Variants in NKAIN2 observed in about 807,000 individuals in gnomAD.
NKAIN2 encodes the protein sodium/potassium transporting ATPase interacting 2.
A neutral mutation model predicts 32.6 loss-of-function variants in NKAIN2; 14 were observed. That is an observed-to-expected ratio of 0.43 (90% CI 0.28 to 0.67). The LOEUF (loss-of-function observed/expected upper bound fraction) is 0.67. Among genes scored for constraint, NKAIN2 ranks in the 30% least tolerant of loss-of-function variants. NKAIN2 has a pLI of 0.17. For missense variants in NKAIN2, 198 were observed against 258.3 expected (o/e 0.77, Z 1.60); for synonymous variants, 80 against 87.2 (o/e 0.92, Z 0.46).
intron 3 of NKAIN2, among the ~76,000 whole-genome samples, chr6:124,396,211 A>G (rs964916913): frequency 1.4e-4 from 21 of 152,088 alleles, no homozygotes; most frequent in Admixed American, 5.9e-4. Context: ...ATACATGGTA[A>G]GATGCCATGG....
At chr6:124,475,213 T>C (rs1373697977) in intron 3 of NKAIN2, among the ~76,000 whole-genome samples, 1 of 152,096 alleles carries the variant, frequency 6.6e-6, no homozygotes, top group Non-Finnish European at 1.5e-5. Context: ...ATTGATCTTT[T>C]GTGAACCTGA....
At chr6:124,784,197 C>A (rs1315033925) in intron 4 of NKAIN2, among the ~76,000 whole-genome samples, 1 of 152,038 alleles carries the variant, frequency 6.6e-6, no homozygotes, top group Non-Finnish European at 1.5e-5. Flanking sequence ...AGATCATATG[C>A]AATTATATGA....
chr6:124,450,333 A>G (rs1776051098), intron 3 of NKAIN2, among the ~76,000 whole-genome samples: 1 of 152,032 alleles, frequency 6.6e-6, no homozygotes, highest in African/African-American at 2.4e-5. Context: ...ACATGTATCT[A>G]TATTTACATA....
intron 2 of NKAIN2, among the ~76,000 whole-genome samples, chr6:124,310,887 A>C (rs78309602): frequency 0.02 from 2,984 of 152,242 alleles, 51 homozygotes; most frequent in East Asian, 0.086. Flanking sequence ...CTGATCTGAG[A>C]GTTAAAAGCT....
chr6:124,280,701 A>G (rs756277687), intron 1 of NKAIN2, among the ~76,000 whole-genome samples: 11 of 152,140 alleles, frequency 7.2e-5, no homozygotes, highest in Non-Finnish European at 1.3e-4. Flanking sequence ...GGCCCCTCAT[A>G]GTTAATAGTC....
At chr6:124,567,725 T>C (rs1780973777) in intron 3 of NKAIN2, among the ~76,000 whole-genome samples, 2 of 152,260 alleles carry the variant, frequency 1.3e-5, no homozygotes, top group African/African-American at 4.8e-5. Flanking sequence ...GCAAACCTTT[T>C]GGTTTTAATT....
intron 4 of NKAIN2, among the ~76,000 whole-genome samples, chr6:124,690,262 T>C (rs1231957494): frequency 2.6e-5 from 4 of 152,162 alleles, no homozygotes; most frequent in Non-Finnish European, 4.4e-5. Flanking sequence ...ATTGCTGGTA[T>C]ATAGGAAAAC....
At chr6:124,628,487 A>T (rs546349355) in intron 3 of NKAIN2, among the ~76,000 whole-genome samples, 1 of 152,086 alleles carries the variant, frequency 6.6e-6, no homozygotes, top group Non-Finnish European at 1.5e-5. Flanking sequence ...AGCAATGGAG[A>T]TGTATTTAAA....
At chr6:124,570,815 G>A (rs1168423720) in intron 3 of NKAIN2, among the ~76,000 whole-genome samples, 1 of 152,114 alleles carries the variant, frequency 6.6e-6, no homozygotes, top group Non-Finnish European at 1.5e-5. Flanking sequence ...GTGAGAAGAG[G>A]GCCACCATCC....
intron 2 of NKAIN2, among the ~76,000 whole-genome samples, chr6:124,341,124 T>G (rs1798096308): frequency 6.6e-6 from 1 of 152,166 alleles, no homozygotes; most frequent in African/African-American, 2.4e-5. Flanking sequence ...TCAGGCATGA[T>G]TTCCAAAAGA....
At chr6:124,084,025 T>C (rs570169413) in intron 1 of NKAIN2, among the ~76,000 whole-genome samples, 1 of 152,134 alleles carries the variant, frequency 6.6e-6, no homozygotes, top group South Asian at 2.1e-4. Context: ...GGTAGAGACT[T>C]GCTAGCTAGG....
intron 1 of NKAIN2, among the ~76,000 whole-genome samples, chr6:124,119,925 T>G (rs234489): frequency 0.62 from 93,793 of 151,914 alleles, 29,131 homozygotes; most frequent in East Asian, 0.74. Flanking sequence ...TCTTTTTCTT[T>G]TGTATACCTG....
intron 4 of NKAIN2, among the ~76,000 whole-genome samples, chr6:124,690,255 G>T (rs1186816381): frequency 6.6e-6 from 1 of 151,940 alleles, no homozygotes; most frequent in African/African-American, 2.4e-5. Flanking sequence ...CTTGTTAATT[G>T]CTGGTATATA....
intron 1 of NKAIN2, among the ~76,000 whole-genome samples, chr6:124,060,620 A>G (rs758201115): frequency 6.6e-6 from 1 of 152,180 alleles, no homozygotes; most frequent in African/African-American, 2.4e-5. Flanking sequence ...CATGTTTAAC[A>G]TATTTGCTAT....
At chr6:124,711,601 T>G (rs1435533702) in intron 4 of NKAIN2, among the ~76,000 whole-genome samples, 1 of 150,896 alleles carries the variant, frequency 6.6e-6, no homozygotes, top group Non-Finnish European at 1.5e-5. Flanking sequence ...TTTCTTCCAG[T>G]TGATCGCATC....
chr6:124,180,413 A>G (rs191639637), intron 1 of NKAIN2, among the ~76,000 whole-genome samples: 1 of 152,202 alleles, frequency 6.6e-6, no homozygotes, highest in Non-Finnish European at 1.5e-5. Context: ...ATTCACTACC[A>G]TGAGAACAGC....
chr6:124,519,913 C>T (rs76435772), intron 3 of NKAIN2, among the ~76,000 whole-genome samples: 97 of 152,146 alleles, frequency 6.4e-4, no homozygotes, highest in African/African-American at 2.2e-3. Context: ...TGCCCAGTAC[C>T]GTAATAGACT....
intron 4 of NKAIN2, among the ~76,000 whole-genome samples, chr6:124,659,546 C>T (rs1017504368): frequency 2.6e-5 from 4 of 151,840 alleles, no homozygotes; most frequent in Non-Finnish European, 4.4e-5. Context: ...GCTAAGTATG[C>T]TATGTTAGTA....
At chr6:124,047,434 T>TTCTC (rs746006911) in intron 1 of NKAIN2, among the ~76,000 whole-genome samples, 180 of 146,688 alleles carry the variant, frequency 1.2e-3, no homozygotes, top group Middle Eastern at 3.5e-3. Context: ...GAAATTTACT[T>TTCTC]TCTCTCTCTC....
Sources: allele counts gnomAD v4.1 joint callset (sites outside exome capture counted in the v4.1 genomes callset), GRCh38; gene constraint gnomAD v4.1.1; transcripts MANE v1.5; gene names NCBI Gene and HGNC (gene_info 2026-07-23, HGNC 2026-07-21).